Variants in TSPAN9 observed in about 807,000 individuals in gnomAD.
TSPAN9 encodes tetraspanin-9.
In TSPAN9, 16 loss-of-function variants were observed where a neutral mutation model predicts 31.0. That is an observed-to-expected ratio of 0.52 (90% confidence interval 0.35 to 0.78). The LOEUF (loss-of-function observed/expected upper bound fraction) is 0.78, where lower values mean the gene tolerates loss of function less well. Ranked by LOEUF, TSPAN9 falls within the 30% of genes least tolerant of loss-of-function variation. The pLI is 0.01. For synonymous variants in TSPAN9, 145 were observed against 121.6 expected (o/e 1.19, Z -1.27); for missense variants, 272 against 312.5 (o/e 0.87, Z 0.98).
chr12:3,126,159 C>G (rs1213343489), intron 2 of TSPAN9, among the ~76,000 whole-genome samples: 3 of 152,150 alleles, frequency 2.0e-5, no homozygotes, highest in Non-Finnish European at 4.4e-5. Context: ...TGCATAAGAC[C>G]TCACAGGGAT....
intron 2 of TSPAN9, among the ~76,000 whole-genome samples, chr12:3,109,834 A>G (rs1233635151): frequency 6.6e-6 from 1 of 151,898 alleles, no homozygotes; most frequent in Non-Finnish European, 1.5e-5. Flanking sequence ...AGGGCATAAA[A>G]CTACAATTTT....
chr12:3,166,251 A>G (rs1565599528), intron 2 of TSPAN9, among the ~76,000 whole-genome samples: 2 of 152,240 alleles, frequency 1.3e-5, no homozygotes, highest in South Asian at 2.1e-4. Flanking sequence ...ATAGACATTT[A>G]TATTTTAATT....
intron 2 of TSPAN9, among the ~76,000 whole-genome samples, chr12:3,091,924 G>T (rs1178941235): frequency 3.3e-5 from 5 of 152,168 alleles, no homozygotes; most frequent in African/African-American, 9.7e-5. Flanking sequence ...GTGCCTCTGG[G>T]TGACTTGGGG....
intron 6 of TSPAN9, 47 bp from the exon 7 acceptor site, chr12:3,281,151 G>A (rs768063331): frequency 1.9e-6 from 3 of 1,549,310 alleles, no homozygotes; most frequent in Non-Finnish European, 2.6e-6. Flanking sequence ...GGGAGGAAGG[G>A]GCGGGCCATG....
At position 3,103,602 on chromosome 12, in the gene TSPAN9, G is replaced by A. The variant is rs543344302; in HGVS notation, c.-18+19883G>A. On this transcript the variant is annotated intron_variant, in intron 2 of 8. Transcript: ENST00000011898. ...TTGTCTCTGTAGGGCTCCCCACCAT[G>A]CCATGCACGAACATGTATTCCTAGA... 3.4e-5 allele frequency among the ~76,000 whole-genome samples: 5 copies of A among 145,962 alleles called. No individual in the cohort carries two copies. In the South Asian group the frequency reaches 1.0e-3, roughly 30 times the overall value.
chr12:3,258,716 C>T lies in TSPAN9; in HGVS notation c.64-19705C>T, dbSNP rs551458189. Among the ~76,000 whole-genome samples, 11 of 152,292 alleles carry T rather than the reference C, an allele frequency of 7.2e-5. No individual in the cohort carries two copies. In the South Asian group the frequency reaches 1.0e-3, roughly 14 times the overall value. On this transcript the variant is annotated intron_variant, in intron 3 of 8. Transcript: ENST00000011898. ...GACCCACTCCCCTGCCCTCAAGTGC[C>T]GGCTCCCAAGATCTTCTCCCAAGCC...
intron 2 of TSPAN9, among the ~76,000 whole-genome samples, chr12:3,197,577 AGCTCCACTCAGAATGG>A (rs2098367691): frequency 1.3e-5 from 2 of 151,780 alleles, no homozygotes; most frequent in Admixed American, 1.3e-4. Context: ...AGAATGGGAG[AGCTCCACTCAGAATGG>A]GAGAGCTCTC....
At chr12:3,255,835 C>T (rs544912885) in intron 3 of TSPAN9, among the ~76,000 whole-genome samples, 11 of 152,328 alleles carry the variant, frequency 7.2e-5, no homozygotes, top group Admixed American at 5.9e-4. Flanking sequence ...CTCATCCGTA[C>T]AGAGATGAGA....
At chr12:3,167,230 A>G (rs997228948) in intron 2 of TSPAN9, among the ~76,000 whole-genome samples, 2 of 152,328 alleles carry the variant, frequency 1.3e-5, no homozygotes, top group East Asian at 3.9e-4. Flanking sequence ...ATGATCTCTC[A>G]CTAATGAGAT....
chr12:3,200,840 G>T (rs2098371150), intron 2 of TSPAN9: 1 of 211,068 alleles, frequency 4.7e-6, no homozygotes. Flanking sequence ...CCCGCAGCCC[G>T]CGCCCGACTT....
chr12:3,117,992 G>A (rs1591635462), intron 2 of TSPAN9, among the ~76,000 whole-genome samples: 1 of 152,080 alleles, frequency 6.6e-6, no homozygotes, highest in South Asian at 2.1e-4. Flanking sequence ...GTGCAGGGAG[G>A]TGGTTAGTGC....
In TSPAN9 at chr12:3,283,412, A is replaced by C; in HGVS notation, c.*296A>C. 2 of 308,920 alleles carry C rather than the reference A, an allele frequency of 6.5e-6. No individual in the cohort carries two copies. The highest frequency in any genetic ancestry group is 7.0e-5 in the East Asian group (1 of 14,356). 19.1% of individuals were successfully genotyped at this position (308,920 alleles called of 1,614,324 possible). ...CGCTCCGGAGGAACCCCCGGCACTG[A>C]TGGGCTTCTGCCCCTGCCCTTCCTC... On this transcript the variant is annotated 3_prime_UTR_variant, in exon 9 of 9. Transcript: ENST00000011898.
intron 3 of TSPAN9, among the ~76,000 whole-genome samples, chr12:3,211,196 G>T (rs2098378491): frequency 6.6e-6 from 1 of 152,116 alleles, no homozygotes; most frequent in Non-Finnish European, 1.5e-5. Context: ...AGTATATTTG[G>T]AATTTATATT....
chr12:3,259,259 T>C (rs1862405814), intron 3 of TSPAN9, among the ~76,000 whole-genome samples: 1 of 152,222 alleles, frequency 6.6e-6, no homozygotes, highest in South Asian at 2.1e-4. Flanking sequence ...GACAGAGCTT[T>C]TCACAGCCTG....
intron 2 of TSPAN9, among the ~76,000 whole-genome samples, chr12:3,127,405 G>A (rs1312637921): frequency 6.6e-6 from 1 of 151,822 alleles, no homozygotes; most frequent in Non-Finnish European, 1.5e-5. Context: ...GCCCAGGCTG[G>A]AGTGCAGGGG....
At position 3,280,523 on chromosome 12, in the gene TSPAN9, A is replaced by T. The variant is rs768231852; in HGVS notation, c.432+40A>T. The stretch of plus-strand genomic sequence containing the variant: ...GCCCTGGTGGGGCCAGGCAGGGAGG[A>T]GGGGTGGCGGCCGGTACTTCTAGCT... On this transcript the variant is annotated intron_variant, in intron 6 of 8. Transcript: ENST00000011898. This position sits in a 1 kb window ranked among gnomAD's most constrained non-coding sequence, Gnocchi z 4.5. 3 of 1,578,686 alleles carry T rather than the reference A, an allele frequency of 1.9e-6. No individual in the cohort carries two copies. The Admixed American group carries it at 5.1e-5, about 27-fold the overall frequency.
intron 3 of TSPAN9, among the ~76,000 whole-genome samples, chr12:3,213,537 G>A (rs950909474): frequency 1.7e-4 from 26 of 152,162 alleles, no homozygotes; most frequent in African/African-American, 6.0e-4. Flanking sequence ...GAGCAAGGGT[G>A]GAGGGAGGAA....
intron 2 of TSPAN9, among the ~76,000 whole-genome samples, chr12:3,169,701 T>C (rs538621820): frequency 6.6e-6 from 1 of 152,236 alleles, no homozygotes; most frequent in South Asian, 2.1e-4. Flanking sequence ...TGGGAAAGGC[T>C]TCCATGCCTG....
At chr12:3,191,302 C>T (rs1485337973) in intron 2 of TSPAN9, among the ~76,000 whole-genome samples, 1 of 152,166 alleles carries the variant, frequency 6.6e-6, no homozygotes. Context: ...GGCTCCCTTT[C>T]TGCAAAGCTT....
Sources: gnomAD v4.1 joint callset for allele counts (sites outside exome capture counted in the v4.1 genomes callset) on GRCh38, gnomAD v4.1.1 for gene constraint, Gnocchi (gnomAD v3.1) non-coding constraint, MANE v1.5 for transcripts, NCBI Gene and HGNC (gene_info 2026-07-23, HGNC 2026-07-21) for gene names.